TEKT3: variants seen among roughly 807,000 people sequenced by gnomAD.
The protein encoded by TEKT3 is tektin 3, also known as tektin-3.
TEKT3 carries 49 observed loss-of-function variants against 49.8 expected under a neutral mutation model. The ratio of observed to expected loss-of-function variants is 0.98; its 90% CI spans 0.78 to 1.25. TEKT3 has a LOEUF of 1.25. TEKT3 is among the 50% of genes most tolerant of loss of function. The pLI is 0.00. For missense variants in TEKT3, 595 were observed against 629.5 expected (o/e 0.95, Z 0.59); for synonymous variants, 225 against 237.2 (o/e 0.95, Z 0.47).
At chr17:15,337,136 TA>T (rs1912010100) in intron 2 of TEKT3, among the ~76,000 whole-genome samples, 1 of 152,076 alleles carries the variant, frequency 6.6e-6, no homozygotes, top group Non-Finnish European at 1.5e-5. Flanking sequence ...ATGGTTATTT[TA>T]AAATAATTTA....
chr17:15,328,721 T>C (rs1256316640), intron 3 of TEKT3, among the ~76,000 whole-genome samples: 1 of 152,194 alleles, frequency 6.6e-6, no homozygotes, highest in Non-Finnish European at 1.5e-5. Flanking sequence ...CATTAAACAG[T>C]AGACCCAAAT....
At position 15,312,248 on chromosome 17, in the gene TEKT3, G is replaced by T. The variant is rs376859102; in HGVS notation, c.1101+11C>A. 1 of 1,613,368 alleles carries T rather than the reference G, an allele frequency of 6.2e-7. No individual in the cohort carries two copies. Among genetic ancestry groups the T allele is most frequent in the Admixed American group, 1.7e-5 (1 of 60,022 alleles). On this transcript the variant is annotated intron_variant, in intron 7 of 8. Coordinates refer to ENST00000395930, the MANE Select transcript of TEKT3 (RefSeq NM_031898.3). ...AGGTCAGCTAAGGGGTACCACTGGC[G>T]GTTGATTTACCTTTGCTAAGTGCGT...
intron 4 of TEKT3, among the ~76,000 whole-genome samples, chr17:15,321,005 C>A (rs1042179747): frequency 7.5e-6 from 1 of 132,658 alleles, no homozygotes; most frequent in African/African-American, 3.3e-5. Context: ...AAAATTCCTA[C>A]AACAATAATT....
Position 15,304,046 on chromosome 17 carries a change from G to A in TEKT3, c.1363C>T (p.Leu455Phe). Residue 455 changes from leucine to phenylalanine, a missense_variant, in exon 9 of 9, where the codon CTC (leucine) becomes TTC (phenylalanine). By Grantham distance (22) the Leu-to-Phe change is conservative. Coordinates refer to ENST00000395930, the MANE Select transcript of TEKT3 (RefSeq NM_031898.3). The surrounding 1 kb of genome is among the most constrained non-coding windows in gnomAD (Gnocchi z 4.7). The stretch of plus-strand genomic sequence containing the variant: ...GCTTTGACAGCCAGGTCATACTCGA[G>A]TGTGGCTTTGATGTGGACCAGCGAC... The part of the protein sequence containing the change: ...LQSLVHIKAT[L>F]EYDLAVKANS... 6.2e-7 allele frequency: 1 copy of A among 1,614,128 alleles called. No individual in the cohort carries two copies. Among genetic ancestry groups the A allele is most frequent in the Non-Finnish European group, 8.5e-7 (1 of 1,180,018 alleles).
intron 4 of TEKT3, among the ~76,000 whole-genome samples, chr17:15,323,509 A>C (rs1490783148): frequency 6.6e-6 from 1 of 152,238 alleles, no homozygotes; most frequent in Non-Finnish European, 1.5e-5. Context: ...AACAGAAGCC[A>C]TCCTGTAAGA....
rs753736799 is a variant in TEKT3, at chr17:15,304,024, T to C, written c.1385A>G (p.Lys462Arg). The change falls in exon 9 of 9, where the codon AAA becomes AGA. Residue 462 changes from lysine (K) to arginine (R), a missense_variant. Coordinates refer to ENST00000395930, the MANE Select transcript of TEKT3 (RefSeq NM_031898.3). This position sits in a 1 kb window ranked among gnomAD's most constrained non-coding sequence, Gnocchi z 4.7. Reference protein sequence around the residue: ...KATLEYDLAVKANSLYIDQEK... With the variant: ...KATLEYDLAVRANSLYIDQEK... ...CTGGTCGATGTACAGGGAATTGGCT[T>C]TGACAGCCAGGTCATACTCGAGTGT... 4 of 1,613,986 alleles carry C rather than the reference T, an allele frequency of 2.5e-6. No homozygotes were observed. The highest frequency in any genetic ancestry group is 3.4e-6 in the Non-Finnish European group (4 of 1,180,012).
At position 15,303,953 on chromosome 17, in the gene TEKT3, G is replaced by C. The variant is rs1426996873; in HGVS notation, c.1456C>G (p.Leu486Val). ...MRKSYPNTLR[L>V]VGFC The stretch of plus-strand genomic sequence containing the variant: ...TGGGGTCCCTAGCAGAAGCCGACCA[G>C]CCGGAGGGTGTTGGGGTAGCTCTTG... The change falls in exon 9 of 9, where the codon CTG becomes GTG. Residue 486 changes from leucine to valine, a missense_variant. Transcript: ENST00000395930. 2.2e-5 allele frequency: 35 copies of C among 1,613,930 alleles called. No homozygotes were observed. The highest frequency in any genetic ancestry group is 3.0e-5 in the Non-Finnish European group (35 of 1,180,036).
intron 4 of TEKT3, among the ~76,000 whole-genome samples, chr17:15,320,716 C>T (rs1427314525): frequency 2.0e-5 from 3 of 152,164 alleles, no homozygotes; most frequent in Non-Finnish European, 4.4e-5. Flanking sequence ...TTCTCCCTGC[C>T]TTGACAAGCA....
At chr17:15,320,272 T>C (rs1218984621) in intron 4 of TEKT3, among the ~76,000 whole-genome samples, 1 of 152,220 alleles carries the variant, frequency 6.6e-6, no homozygotes, top group African/African-American at 2.4e-5. Flanking sequence ...CTTTTTTGCT[T>C]GTGTCAACTA....
chr17:15,336,309 C>T (rs1357670253), intron 2 of TEKT3, among the ~76,000 whole-genome samples: 1 of 152,048 alleles, frequency 6.6e-6, no homozygotes, highest in Non-Finnish European at 1.5e-5. Context: ...AGAAGACAAA[C>T]AACATTTTAA....
At chr17:15,316,140 G>A (rs750191138) in intron 5 of TEKT3, among the ~76,000 whole-genome samples, 1 of 152,226 alleles carries the variant, frequency 6.6e-6, no homozygotes, top group Non-Finnish European at 1.5e-5. Context: ...CTTCTGTGCT[G>A]AGGCTCTTGC....
chr17:15,327,700 GA>G (rs377115458), intron 4 of TEKT3: 25 of 333,030 alleles, frequency 7.5e-5, no homozygotes, highest in South Asian at 7.2e-4. Flanking sequence ...CGGAATGGTA[GA>G]AAAAAAAGCA....
intron 4 of TEKT3, among the ~76,000 whole-genome samples, chr17:15,327,300 G>C (rs1911531442): frequency 6.6e-6 from 1 of 152,038 alleles, no homozygotes; most frequent in Non-Finnish European, 1.5e-5. Flanking sequence ...GGCAGATCAT[G>C]AGGTTGGGAG....
In TEKT3 at chr17:15,331,016, G is replaced by C; in HGVS notation, c.570C>G (p.Ala190=). ...TATCATAAGGTCTTACCTGAAGAGG[G>C]GCTTCAGTCTCCATCAAAGCCCGCT... ...RLERALMETE[A]PLQVARECLF... Residue 190 remains alanine (A), a synonymous_variant, in exon 3 of 9, where the codon GCC becomes GCG. Coordinates refer to ENST00000395930, the MANE Select transcript of TEKT3 (RefSeq NM_031898.3). 1 of 1,609,452 alleles carries C rather than the reference G, an allele frequency of 6.2e-7. No individual in the cohort carries two copies. The highest frequency in any genetic ancestry group is 8.5e-7 in the Non-Finnish European group (1 of 1,177,750).
At chr17:15,312,205 G>C in intron 7 of TEKT3, 54 bp downstream of exon 7, 1 of 1,554,464 alleles carries the variant, frequency 6.4e-7, no homozygotes, top group Non-Finnish European at 8.9e-7. Flanking sequence ...TGTAGTCCCA[G>C]AGCACACCGC....
chr17:15,333,137 T>A (rs1338650941), intron 2 of TEKT3, among the ~76,000 whole-genome samples: 1 of 152,190 alleles, frequency 6.6e-6, no homozygotes, highest in African/African-American at 2.4e-5. Flanking sequence ...TCGTTATTAT[T>A]CCAGAAAGCC....
intron 2 of TEKT3, among the ~76,000 whole-genome samples, chr17:15,334,377 G>T (rs917593902): frequency 3.9e-5 from 6 of 152,172 alleles, no homozygotes; most frequent in African/African-American, 1.4e-4. Flanking sequence ...GACAATAAGA[G>T]ATCCAGAAAC....
chr17:15,321,897 C>T lies in TEKT3; in HGVS notation c.664-2750G>A, dbSNP rs148752660. Reference sequence around the variant, plus strand: ...AATGTTCATGAAGCATCTGTCGTTACAGTTCACCTCTTGGGAGGTGGGGCT... The same window carrying T: ...AATGTTCATGAAGCATCTGTCGTTATAGTTCACCTCTTGGGAGGTGGGGCT... On this transcript the variant is annotated intron_variant, in intron 4 of 8. Transcript: ENST00000395930. 1.7e-3 allele frequency among the ~76,000 whole-genome samples: 265 copies of T among 152,340 alleles called. 1 individual carries two copies. The highest frequency in any genetic ancestry group is 5.9e-3 in the African/African-American group (246 of 41,586).
At chr17:15,325,498 A>G (rs1263855026) in intron 4 of TEKT3, among the ~76,000 whole-genome samples, 1 of 152,052 alleles carries the variant, frequency 6.6e-6, no homozygotes, top group African/African-American at 2.4e-5. Flanking sequence ...TACCTGGGGG[A>G]TATTTTAAAA....
Sources: gnomAD v4.1 joint callset for allele counts (sites outside exome capture counted in the v4.1 genomes callset) on GRCh38, gnomAD v4.1.1 for gene constraint, Gnocchi (gnomAD v3.1) non-coding constraint, MANE v1.5 for transcripts, NCBI Gene and HGNC (gene_info 2026-07-23, HGNC 2026-07-21) for gene names.